The following MLIP variants were observed in gnomAD, a reference collection of about 807,000 sequenced individuals.
The protein encoded by MLIP is muscular LMNA interacting protein, also known as muscular LMNA-interacting protein.
Under a neutral mutation model 84.8 loss-of-function variants are expected in MLIP, and 79 were observed. The observed-to-expected ratio is 0.93, with a 90% CI of 0.78 to 1.12. The LOEUF (loss-of-function observed/expected upper bound fraction) is 1.12. MLIP is among the 50% of genes most tolerant of loss of function. MLIP has a pLI of 0.00. For synonymous variants in MLIP, 504 were observed against 463.0 expected (o/e 1.09, Z -1.14); for missense variants, 1,257 against 1,160.6 (o/e 1.08, Z -1.21).
intron 1 of MLIP, among the ~76,000 whole-genome samples, chr6:54,071,623 A>T (rs1265718135): frequency 1.3e-5 from 2 of 152,202 alleles, no homozygotes; most frequent in Non-Finnish European, 2.9e-5. Context: ...TAATTCAAAG[A>T]AGTTTCAAAA....
intron 1 of MLIP, among the ~76,000 whole-genome samples, chr6:54,120,245 T>A (rs546631735): frequency 3.7e-4 from 56 of 152,224 alleles, no homozygotes; most frequent in African/African-American, 1.3e-3. Flanking sequence ...TTTTTATTTT[T>A]TTTTTTTGAG....
chr6:54,106,641 T>G (rs1199135131), upstream of MLIP, among the ~76,000 whole-genome samples: 1 of 152,230 alleles, frequency 6.6e-6, no homozygotes, highest in Admixed American at 6.5e-5. Context: ...GAACTCATTA[T>G]TTTTAGCCTA....
intron 3 of MLIP, 81 bp from the exon 4 acceptor site, chr6:54,136,634 T>G: frequency 7.7e-7 from 1 of 1,295,518 alleles, no homozygotes; most frequent in Non-Finnish European, 1.0e-6. Context: ...ATTGTTTGTA[T>G]AATCGCACAA....
At chr6:54,203,255 A>C (rs949191654) in intron 11 of MLIP, among the ~76,000 whole-genome samples, 1 of 152,190 alleles carries the variant, frequency 6.6e-6, no homozygotes, top group Non-Finnish European at 1.5e-5. Flanking sequence ...AAAATGCAGC[A>C]AAGAGTATGG....
intron 12 of MLIP, among the ~76,000 whole-genome samples, chr6:54,247,252 G>GA (rs1782143418): frequency 6.6e-6 from 1 of 152,142 alleles, no homozygotes; most frequent in South Asian, 2.1e-4. Context: ...GGCTGAAACT[G>GA]ACTGACAGTG....
At chr6:54,265,721 G>C (rs1261095702) in intron 13 of MLIP, among the ~76,000 whole-genome samples, 1 of 152,042 alleles carries the variant, frequency 6.6e-6, no homozygotes, top group Non-Finnish European at 1.5e-5. Flanking sequence ...CTGCTGAACT[G>C]CCAAGAGATT....
At chr6:54,023,970 G>T (rs1420206182) in intron 1 of MLIP, among the ~76,000 whole-genome samples, 1 of 152,162 alleles carries the variant, frequency 6.6e-6, no homozygotes, top group East Asian at 1.9e-4. Context: ...TTAGAATTCT[G>T]TGATAATTCA....
chr6:54,049,100 T>C (rs1322303594), intron 1 of MLIP, among the ~76,000 whole-genome samples: 1 of 152,146 alleles, frequency 6.6e-6, no homozygotes, highest in Non-Finnish European at 1.5e-5. Context: ...TAAATGTGGA[T>C]ATACATAAAC....
chr6:54,041,569 T>C (rs559912775), intron 1 of MLIP, among the ~76,000 whole-genome samples: 3 of 152,252 alleles, frequency 2.0e-5, no homozygotes, highest in East Asian at 3.9e-4. Flanking sequence ...CCAGTTGGTC[T>C]ACATCTCTAC....
rs1278102664 is a variant in MLIP at position 54,138,086 on chromosome 6, C to T, written c.2017C>T (p.Gln673Ter). The change falls in exon 4 of 14, where the codon CAG becomes TAG. Residue 673 changes from glutamine to a stop codon, truncating the protein, a stop_gained. Transcript: ENST00000502396. LOFTEE classifies it high-confidence loss of function. ...PHANLPTLVPQLSPSALHPHC... is the reference protein window; with the variant it reads ...PHANLPTLVP ...TGCCAATCTGCCCACCCTGGTGCCC[C>T]AGCTCAGTCCCTCAGCTCTGCACCC... The T allele has an allele frequency of 6.5e-7, 1 of 1,536,156 alleles. No individual in the cohort carries two copies. Among genetic ancestry groups the T allele is most frequent in the Non-Finnish European group, 8.7e-7 (1 of 1,146,894 alleles).
At chr6:54,052,505 A>G (rs1398205041) in intron 1 of MLIP, among the ~76,000 whole-genome samples, 2 of 152,202 alleles carry the variant, frequency 1.3e-5, no homozygotes, top group African/African-American at 4.8e-5. Context: ...TAAAGTTTGA[A>G]AAGACACAGG....
chr6:54,143,223 T>TA (rs1772478139), intron 4 of MLIP, among the ~76,000 whole-genome samples: 1 of 151,524 alleles, frequency 6.6e-6, no homozygotes, highest in African/African-American at 2.4e-5. Flanking sequence ...TTTGCTTTTT[T>TA]TTTTTTTTTT....
intron 9 of MLIP, among the ~76,000 whole-genome samples, chr6:54,185,460 A>T (rs1777296336): frequency 6.6e-6 from 1 of 152,206 alleles, no homozygotes. Context: ...TTCCCAATGA[A>T]GGAATTTGGG....
chr6:54,051,507 C>G (rs1765372114), intron 1 of MLIP, among the ~76,000 whole-genome samples: 3 of 152,104 alleles, frequency 2.0e-5, no homozygotes, highest in Admixed American at 2.0e-4. Flanking sequence ...CAAACTCAGC[C>G]TAAAGGAGAC....
intron 12 of MLIP, among the ~76,000 whole-genome samples, chr6:54,236,533 C>G (rs747965598): frequency 6.6e-6 from 1 of 152,010 alleles, no homozygotes; most frequent in African/African-American, 2.4e-5. Flanking sequence ...ACCCCGGAGG[C>G]GGAGGTTGCA....
At chr6:54,038,403 TGAG>T (rs1051286411) in intron 1 of MLIP, among the ~76,000 whole-genome samples, 11 of 151,964 alleles carry the variant, frequency 7.2e-5, no homozygotes, top group Non-Finnish European at 1.5e-4. Flanking sequence ...CTCGAGTAAA[TGAG>T]GAGAATAAGA....
chr6:54,047,403 C>T (rs1239452321), intron 1 of MLIP: 1 of 152,050 alleles, frequency 6.6e-6, no homozygotes, highest in African/African-American at 2.4e-5. Context: ...TTAATTTATT[C>T]CCAGCAGGGA....
chr6:54,136,784 A>G lies in MLIP; in HGVS notation c.715A>G (p.Thr239Ala). 6.6e-7 allele frequency: 1 copy of G among 1,521,892 alleles called. No individual in the cohort carries two copies. The allele number at this position is 1,521,892 out of a possible 1,614,324, so 94.3% of individuals were successfully genotyped here. A position where few individuals can be genotyped will look rare whatever the true frequency, so the allele number is the denominator to read the frequency against. Residue 239 changes from threonine to alanine, a missense_variant, in exon 4 of 14, where the codon ACT becomes GCT. Coordinates refer to ENST00000502396, the MANE Select transcript of MLIP (RefSeq NM_001281747.2). Reference protein sequence around the residue: ...KPPAFSFVSPTNPNTPPDPVN... With the variant: ...KPPAFSFVSPANPNTPPDPVN... The stretch of plus-strand genomic sequence containing the variant: ...ACCTGCTTTCTCCTTTGTTTCTCCA[A>G]CTAATCCGAACACACCACCCGACCC...
intron 11 of MLIP, among the ~76,000 whole-genome samples, chr6:54,205,055 C>T (rs1778943644): frequency 6.6e-6 from 1 of 152,170 alleles, no homozygotes; most frequent in Non-Finnish European, 1.5e-5. Flanking sequence ...CCACTGAACA[C>T]CTGGGAAACG....
Sources: gnomAD v4.1 joint callset for allele counts (sites outside exome capture counted in the v4.1 genomes callset) on GRCh38, gnomAD v4.1.1 for gene constraint, MANE v1.5 for transcripts, NCBI Gene and HGNC (gene_info 2026-07-23, HGNC 2026-07-21) for gene names.